NFIL3: variants seen among roughly 807,000 people sequenced by gnomAD.
The protein encoded by NFIL3 is nuclear factor interleukin-3-regulated protein.
In NFIL3, 5 loss-of-function variants were observed where a neutral mutation model predicts 10.0. The observed-to-expected ratio is 0.50, with a 90% confidence interval of 0.26 to 1.06. The LOEUF (loss-of-function observed/expected upper bound fraction) is 1.06. Among genes scored for constraint, NFIL3 ranks in the 50% least tolerant of loss-of-function variants. The probability of loss-of-function intolerance (pLI) is 0.13; values close to 1 mark genes in which losing one functional copy is unlikely to be tolerated. For missense variants in NFIL3, 436 were observed against 547.6 expected, an observed-to-expected ratio of 0.80 and a Z score of 2.03; for synonymous variants, 202 against 206.5, an observed-to-expected ratio of 0.98 and a Z score of 0.19.
chr9:91,478,606 G>C, the NFIL3 span, among the ~76,000 whole-genome samples: 1 of 151,944 alleles, frequency 6.6e-6, no homozygotes, highest in Non-Finnish European at 1.5e-5. Context: ...TAGCTCGGAG[G>C]AGTTTGTTAT....
chr9:91,463,628 C>G, the NFIL3 span, among the ~76,000 whole-genome samples: 9 of 151,576 alleles, frequency 5.9e-5, no homozygotes, highest in South Asian at 1.9e-3. Flanking sequence ...AAAGAATGTG[C>G]ATTCTGCTGC....
At chr9:91,439,796 T>A in the NFIL3 span, among the ~76,000 whole-genome samples, 3 of 152,184 alleles carry the variant, frequency 2.0e-5, no homozygotes, top group Non-Finnish European at 4.4e-5. Context: ...TTTCATTCTG[T>A]TAATGTAGTA....
At chr9:91,482,875 T>C in the NFIL3 span, among the ~76,000 whole-genome samples, 1 of 152,164 alleles carries the variant, frequency 6.6e-6, no homozygotes, top group South Asian at 2.1e-4. Flanking sequence ...TGCACATGTA[T>C]ATAGGTAATG....
chr9:91,460,593 T>C, the NFIL3 span, among the ~76,000 whole-genome samples: 1 of 152,116 alleles, frequency 6.6e-6, no homozygotes, highest in African/African-American at 2.4e-5. Context: ...TTGTTCTTAA[T>C]AGACAACTTG....
At chr9:91,465,699 T>C in the NFIL3 span, among the ~76,000 whole-genome samples, 1 of 152,118 alleles carries the variant, frequency 6.6e-6, no homozygotes, top group African/African-American at 2.4e-5. Flanking sequence ...TGACGTGCTA[T>C]ATTGGTTAAT....
chr9:91,445,567 C>T, the NFIL3 span, among the ~76,000 whole-genome samples: 70 of 152,226 alleles, frequency 4.6e-4, no homozygotes, highest in African/African-American at 1.7e-3. Context: ...TGAGGTGCCA[C>T]ATCAGCTCAG....
upstream of NFIL3, among the ~76,000 whole-genome samples, chr9:91,425,182 A>C (rs1833857486): frequency 6.6e-6 from 1 of 152,152 alleles, no homozygotes; most frequent in South Asian, 2.1e-4. Flanking sequence ...ACGACTTTCC[A>C]CTTCTTTTTG....
the NFIL3 span, among the ~76,000 whole-genome samples, chr9:91,441,116 C>T: frequency 6.6e-6 from 1 of 152,052 alleles, no homozygotes; most frequent in Non-Finnish European, 1.5e-5. Context: ...AAATGGTCTA[C>T]TATTATTGTA....
At chr9:91,479,747 C>A in the NFIL3 span, among the ~76,000 whole-genome samples, 1 of 152,178 alleles carries the variant, frequency 6.6e-6, no homozygotes, top group African/African-American at 2.4e-5. Context: ...AAATGGCCAC[C>A]CAGTTTTGTG....
the NFIL3 span, among the ~76,000 whole-genome samples, chr9:91,473,482 G>T: frequency 3.9e-5 from 6 of 152,376 alleles, no homozygotes; most frequent in Admixed American, 1.3e-4. Context: ...CTAGCAGTGA[G>T]CAAGGCTCCG....
chr9:91,442,337 G>T, the NFIL3 span, among the ~76,000 whole-genome samples: 255 of 152,250 alleles, frequency 1.7e-3, no homozygotes, highest in Middle Eastern at 3.4e-3. Context: ...TGTTATACAT[G>T]GCACGATGCT....
chr9:91,437,342 T>C, the NFIL3 span, among the ~76,000 whole-genome samples: 1 of 152,252 alleles, frequency 6.6e-6, no homozygotes, highest in Non-Finnish European at 1.5e-5. Flanking sequence ...CAGGAATACA[T>C]ATATAACAAA....
At chr9:91,457,810 T>C in the NFIL3 span, among the ~76,000 whole-genome samples, 2 of 152,120 alleles carry the variant, frequency 1.3e-5, no homozygotes, top group African/African-American at 2.4e-5. Flanking sequence ...TATAGGTTTA[T>C]TGTAGGTACT....
At chr9:91,444,583 T>C in the NFIL3 span, among the ~76,000 whole-genome samples, 2 of 152,270 alleles carry the variant, frequency 1.3e-5, no homozygotes, top group East Asian at 1.9e-4. Context: ...GTGGCTTTTG[T>C]TGGGAAAGAT....
At chr9:91,457,884 A>G in the NFIL3 span, among the ~76,000 whole-genome samples, 225 of 152,212 alleles carry the variant, frequency 1.5e-3, 1 homozygote, top group Middle Eastern at 6.8e-3. Context: ...AAAAATGTAA[A>G]TATGATTTTG....
At chr9:91,430,032 G>A in the NFIL3 span, among the ~76,000 whole-genome samples, 1 of 152,138 alleles carries the variant, frequency 6.6e-6, no homozygotes, top group African/African-American at 2.4e-5. Context: ...CCTATTAACT[G>A]ATTAGGAAAG....
chr9:91,454,255 A>C, the NFIL3 span, among the ~76,000 whole-genome samples: 1 of 151,658 alleles, frequency 6.6e-6, no homozygotes, highest in African/African-American at 2.4e-5. Context: ...AAAAAAGAAT[A>C]TCACAAGTAA....
At chr9:91,415,945 G>T (rs1351774804) in intron 1 of NFIL3, among the ~76,000 whole-genome samples, 1 of 152,108 alleles carries the variant, frequency 6.6e-6, no homozygotes, top group East Asian at 1.9e-4. Context: ...TCTCTTAGAT[G>T]CTGTCTTAAC....
At chr9:91,412,118 A>T (rs1833563787) in intron 1 of NFIL3, among the ~76,000 whole-genome samples, 1 of 150,474 alleles carries the variant, frequency 6.6e-6, no homozygotes, top group Admixed American at 6.6e-5. Context: ...AAAAAAAAAA[A>T]AAAAACCCCA....
Sources: allele counts gnomAD v4.1 joint callset (sites outside exome capture counted in the v4.1 genomes callset), GRCh38; gene constraint gnomAD v4.1.1; transcripts MANE v1.5; gene names NCBI Gene and HGNC (gene_info 2026-07-23, HGNC 2026-07-21).